Variants in CAST observed in about 807,000 individuals in gnomAD.
The protein encoded by CAST is MIR583 host.
Under a neutral mutation model 119.6 loss-of-function variants are expected in CAST, and 76 were observed. That is an observed-to-expected ratio of 0.64 (90% confidence interval 0.53 to 0.77). The LOEUF (loss-of-function observed/expected upper bound fraction) is 0.77, where lower values mean the gene tolerates loss of function less well. Ranked by LOEUF, CAST falls within the 30% of genes least tolerant of loss-of-function variation. CAST has a pLI of 0.00. For synonymous variants in CAST, 319 were observed against 331.6 expected (o/e 0.96, Z 0.41); for missense variants, 953 against 946.5 (o/e 1.01, Z -0.09).
chr5:96,584,984 T>A (rs1746834543), intron 1 of CAST: 1 of 152,176 alleles, frequency 6.6e-6, no homozygotes, highest in Non-Finnish European at 1.5e-5. Context: ...CATGGCACCA[T>A]CAGGCCAAGC....
intron 8 of CAST, 105 bp from the exon 9 acceptor site, chr5:96,730,675 G>A (rs890679284): frequency 2.6e-5 from 21 of 806,118 alleles, no homozygotes; most frequent in South Asian, 5.9e-5. Flanking sequence ...TATGGTGTCC[G>A]TGAGGGTGAA....
chr5:96,105,557 A>G, the CAST span, among the ~76,000 whole-genome samples: 3 of 152,152 alleles, frequency 2.0e-5, no homozygotes, highest in Admixed American at 6.5e-5. Context: ...GCGTATATTG[A>G]ACCAGCCTTG....
the CAST span, among the ~76,000 whole-genome samples, chr5:96,442,008 C>T: frequency 6.6e-5 from 10 of 152,166 alleles, no homozygotes; most frequent in African/African-American, 2.4e-4. Context: ...CATCTATTGG[C>T]TTCTCACTAC....
chr5:95,982,920 C>T, the CAST span, among the ~76,000 whole-genome samples: 10 of 152,104 alleles, frequency 6.6e-5, no homozygotes, highest in African/African-American at 9.6e-5. Context: ...GATCAAAAAG[C>T]GTGAAAATAA....
the CAST span, among the ~76,000 whole-genome samples, chr5:96,337,090 A>G: frequency 6.6e-6 from 1 of 152,214 alleles, no homozygotes; most frequent in Non-Finnish European, 1.5e-5. Flanking sequence ...TGCAATTTAA[A>G]TGGATGAATT....
the CAST span, among the ~76,000 whole-genome samples, chr5:96,165,355 A>T: frequency 1.3e-5 from 2 of 152,126 alleles, no homozygotes; most frequent in Non-Finnish European, 2.9e-5. Flanking sequence ...TGGAGTTTAA[A>T]CCAGAAAAGT....
chr5:96,613,650 A>G (rs1580845717), intron 1 of CAST, among the ~76,000 whole-genome samples: 1 of 126,902 alleles, frequency 7.9e-6, no homozygotes. Context: ...TCTTCTGATG[A>G]TTGTCTTTAA....
At chr5:96,406,138 A>G in the CAST span, among the ~76,000 whole-genome samples, 1 of 152,140 alleles carries the variant, frequency 6.6e-6, no homozygotes, top group Non-Finnish European at 1.5e-5. Flanking sequence ...AATCTTAGGA[A>G]GAGAAGAAGT....
chr5:96,211,411 CT>C, the CAST span, among the ~76,000 whole-genome samples: 1 of 151,790 alleles, frequency 6.6e-6, no homozygotes, highest in Admixed American at 6.6e-5. Flanking sequence ...TGATATTTTT[CT>C]TTAGTCTGTT....
the CAST span, among the ~76,000 whole-genome samples, chr5:96,086,252 G>A: frequency 6.6e-6 from 1 of 152,078 alleles, no homozygotes; most frequent in African/African-American, 2.4e-5. Flanking sequence ...CCCAGGATCA[G>A]AACCTGCAAA....
At chr5:96,154,054 G>A in the CAST span, among the ~76,000 whole-genome samples, 1 of 152,094 alleles carries the variant, frequency 6.6e-6, no homozygotes, top group African/African-American at 2.4e-5. Context: ...ACTTTGGGAG[G>A]ATCACAAGGT....
At chr5:96,049,889 C>CAAAAAAAAAAAAAAAAAG in the CAST span, among the ~76,000 whole-genome samples, 1 of 34,188 alleles carries the variant, frequency 2.9e-5, no homozygotes, top group African/African-American at 1.0e-4. Context: ...GAACAGGAGG[C>CAAAAAAAAAAAAAAAAAG]AAAAAAAAAA....
the CAST span, among the ~76,000 whole-genome samples, chr5:96,340,824 T>C: frequency 5.8e-3 from 886 of 152,336 alleles, 10 homozygotes; most frequent in African/African-American, 0.02. Flanking sequence ...GTATATACTA[T>C]GACTATTTTC....
chr5:96,529,895 C>A, intron 1 of CAST: 1 of 381,018 alleles, frequency 2.6e-6, no homozygotes, highest in Non-Finnish European at 5.2e-6. Flanking sequence ...GTCAATTAAA[C>A]CTCTCTTATT....
the CAST span, among the ~76,000 whole-genome samples, chr5:96,059,313 G>A: frequency 2.6e-5 from 4 of 152,130 alleles, no homozygotes; most frequent in African/African-American, 9.7e-5. Context: ...AACCACCCTA[G>A]TGAAAAGCTA....
chr5:96,599,392 T>C (rs1314374303), intron 1 of CAST, among the ~76,000 whole-genome samples: 2 of 152,190 alleles, frequency 1.3e-5, no homozygotes, highest in Non-Finnish European at 2.9e-5. Context: ...TCTGTTTCTT[T>C]ATTTTCTCAA....
At chr5:96,396,476 G>A in the CAST span, among the ~76,000 whole-genome samples, 9 of 150,986 alleles carry the variant, frequency 6.0e-5, no homozygotes, top group South Asian at 4.2e-4. Flanking sequence ...CAGGAGAAGC[G>A]CTTGAACCCA....
At chr5:96,204,338 C>T in the CAST span, among the ~76,000 whole-genome samples, 2 of 152,038 alleles carry the variant, frequency 1.3e-5, no homozygotes, top group African/African-American at 4.8e-5. Flanking sequence ...AGCTACCACA[C>T]AGCTATCTCT....
chr5:96,763,072 G>T (rs1768559757), intron 25 of CAST: 4 of 768,800 alleles, frequency 5.2e-6, no homozygotes, highest in Non-Finnish European at 2.4e-6. Context: ...CATCTCCTTT[G>T]GTTGAGAACA....
Sources: gnomAD v4.1 joint callset for allele counts (sites outside exome capture counted in the v4.1 genomes callset) on GRCh38, gnomAD v4.1.1 for gene constraint, MANE v1.5 for transcripts, NCBI Gene and HGNC (gene_info 2026-07-23, HGNC 2026-07-21) for gene names.